Variants in ZNF846 observed in about 807,000 individuals in gnomAD.
The protein encoded by ZNF846 is zinc finger protein 420 pseudogene.
In ZNF846, 15 loss-of-function variants were observed where a neutral mutation model predicts 16.0. The ratio of observed to expected loss-of-function variants is 0.94; its 90% CI spans 0.63 to 1.45. The LOEUF (loss-of-function observed/expected upper bound fraction) is 1.45, where lower values mean the gene tolerates loss of function less well. Ranked by LOEUF, ZNF846 falls within the 40% of genes most tolerant of loss-of-function variation. The probability of loss-of-function intolerance (pLI) is 0.00; values close to 1 mark genes in which losing one functional copy is unlikely to be tolerated. For synonymous variants in ZNF846, 229 were observed against 212.0 expected (o/e 1.08, Z -0.70); for missense variants, 714 against 622.3 (o/e 1.15, Z -1.57).
At chr19:9,766,140 C>T (rs577371344) in intron 1 of ZNF846, among the ~76,000 whole-genome samples, 2 of 152,202 alleles carry the variant, frequency 1.3e-5, no homozygotes, top group African/African-American at 4.8e-5. Context: ...GCCACAGAGG[C>T]TGGGCATGGT....
At chr19:9,761,327 C>T (rs968801356) in intron 4 of ZNF846, among the ~76,000 whole-genome samples, 1 of 151,174 alleles carries the variant, frequency 6.6e-6, no homozygotes, top group Non-Finnish European at 1.5e-5. Context: ...TATATCTTTC[C>T]AAACATGCAT....
At chr19:9,781,468 T>C (rs1361978233) in intron 1 of ZNF846, among the ~76,000 whole-genome samples, 2 of 152,084 alleles carry the variant, frequency 1.3e-5, no homozygotes, top group Non-Finnish European at 2.9e-5. Flanking sequence ...CAGCACCCCA[T>C]AGCCCCTTTG....
chr19:9,753,974 G>C (rs1200644612), downstream of ZNF846, among the ~76,000 whole-genome samples: 4 of 151,480 alleles, frequency 2.6e-5, no homozygotes, highest in African/African-American at 9.8e-5. Flanking sequence ...ATTGAAAGTG[G>C]TATAATGAGG....
chr19:9,778,909 G>C (rs1239163078), intron 1 of ZNF846, among the ~76,000 whole-genome samples: 3 of 151,010 alleles, frequency 2.0e-5, no homozygotes, highest in Non-Finnish European at 4.4e-5. Context: ...CTCCCCAGTA[G>C]CTGGGACTAC....
chr19:9,785,846 C>T (rs1438591800), intron 1 of ZNF846: 1 of 128,360 alleles, frequency 7.8e-6, no homozygotes, highest in African/African-American at 3.1e-5. Flanking sequence ...CCATCTCGCC[C>T]TTCACCCAGT....
intron 4 of ZNF846, among the ~76,000 whole-genome samples, chr19:9,760,425 G>T (rs1205984923): frequency 1.3e-5 from 2 of 151,612 alleles, no homozygotes; most frequent in Non-Finnish European, 2.9e-5. Context: ...GCTGGGCTGG[G>T]TGTGGTGGTT....
At chr19:9,774,569 A>G in intron 1 of ZNF846, 5 of 1,503,622 alleles carry the variant, frequency 3.3e-6, no homozygotes, top group Non-Finnish European at 4.6e-6. Context: ...TTCCCGTAAC[A>G]TCCAGGTTGA....
chr19:9,764,216 T>C (rs115791460), intron 2 of ZNF846, among the ~76,000 whole-genome samples: 24 of 152,338 alleles, frequency 1.6e-4, no homozygotes, highest in African/African-American at 5.8e-4. Flanking sequence ...CTCTTTAAAG[T>C]TAAGGCATAC....
exon 6 of ZNF846, chr19:9,758,193 G>A (rs765545468): frequency 3.7e-6 from 6 of 1,613,130 alleles, no homozygotes; most frequent in South Asian, 3.3e-5. Flanking sequence ...AGTAAGGTAT[G>A]AAGAATGGGT....
exon 3 of ZNF846, chr19:9,763,308 T>C: frequency 6.2e-7 from 1 of 1,603,714 alleles, no homozygotes; most frequent in Non-Finnish European, 8.5e-7. Context: ...CTTGTAGTTC[T>C]CCAACATCAC....
At chr19:9,761,190 G>C (rs2045221365) in intron 4 of ZNF846, among the ~76,000 whole-genome samples, 1 of 148,056 alleles carries the variant, frequency 6.8e-6, no homozygotes, top group Non-Finnish European at 1.5e-5. Flanking sequence ...GCAACAGAGA[G>C]AGACTCTGTC....
intron 3 of ZNF846, 29 bp downstream of exon 3, chr19:9,763,253 G>T (rs1266991613): frequency 1.6e-5 from 25 of 1,529,976 alleles, no homozygotes; most frequent in Non-Finnish European, 2.1e-5. Context: ...TTCCTAAAGG[G>T]GTCAGTGAAG....
intron 1 of ZNF846, chr19:9,774,563 C>T: frequency 5.4e-6 from 8 of 1,495,282 alleles, no homozygotes; most frequent in Middle Eastern, 1.9e-4. Flanking sequence ...AAAAACTTCC[C>T]GTAACATCCA....
At chr19:9,763,205 T>G (rs1411995726) in intron 3 of ZNF846, 77 bp downstream of exon 3, 1 of 1,378,096 alleles carries the variant, frequency 7.3e-7, no homozygotes, top group Non-Finnish European at 9.7e-7. Context: ...CTTATTACAG[T>G]ACCCTCATTT....
rs1209598762 is a variant in ZNF846 at position 9,761,980 on chromosome 19, G to A, written c.229+102C>T. 6.7e-6 allele frequency: 6 copies of A among 894,078 alleles called. No homozygotes were observed. In the African/African-American group the frequency reaches 8.4e-5, roughly 12 times the overall value. 55.4% of individuals were successfully genotyped at this position (894,078 alleles called of 1,614,324 possible). A position where few individuals can be genotyped will look rare whatever the true frequency, so the allele number is the denominator to read the frequency against. ...ATGGCCTCAGCCTTCTCAGGAAGAA[G>A]AGTATACCCTGAGAAGTTCGCAAAG... On this transcript the variant is annotated intron_variant, in intron 4 of 5. Coordinates refer to ENST00000397902, the Ensembl canonical transcript of ZNF846.
At chr19:9,752,380 G>A (rs2045091147) in exon 6 of ZNF846, 2 of 324,414 alleles carry the variant, frequency 6.2e-6, no homozygotes, top group South Asian at 2.4e-5. Context: ...GGCCAAGGTG[G>A]GTGGATCACC....
chr19:9,780,724 C>G (rs1006685438), intron 1 of ZNF846, among the ~76,000 whole-genome samples: 3 of 152,082 alleles, frequency 2.0e-5, no homozygotes, highest in Non-Finnish European at 4.4e-5. Flanking sequence ...GCTGGGATTA[C>G]AGGTGTGAGC....
chr19:9,774,255 T>C (rs547244658), intron 1 of ZNF846, among the ~76,000 whole-genome samples: 1 of 151,164 alleles, frequency 6.6e-6, no homozygotes, highest in East Asian at 1.9e-4. Flanking sequence ...GATCAGGAGG[T>C]CAGGAGATAG....
downstream of ZNF846, among the ~76,000 whole-genome samples, chr19:9,753,031 A>G (rs997081281): frequency 6.6e-6 from 1 of 151,552 alleles, no homozygotes; most frequent in African/African-American, 2.4e-5. Context: ...CCTGGTTCAC[A>G]GAGAGCCATC....
Sources: gnomAD v4.1 joint callset for allele counts (sites outside exome capture counted in the v4.1 genomes callset) on GRCh38, gnomAD v4.1.1 for gene constraint, MANE v1.5 for transcripts, NCBI Gene and HGNC (gene_info 2026-07-23, HGNC 2026-07-21) for gene names.